The following RIMBP2 variants were observed in gnomAD, a reference collection of about 807,000 sequenced individuals.
RIMBP2 encodes RIMS binding protein 2.
In RIMBP2, 48 loss-of-function variants were observed where a neutral mutation model predicts 118.6. The observed-to-expected ratio is 0.40, with a 90% CI of 0.32 to 0.51. The LOEUF (loss-of-function observed/expected upper bound fraction) is 0.51. Ranked by LOEUF, RIMBP2 falls within the 20% of genes least tolerant of loss-of-function variation. The probability of loss-of-function intolerance (pLI) is 0.41; values close to 1 mark genes in which losing one functional copy is unlikely to be tolerated. For missense variants in RIMBP2, 1,551 were observed against 1,768.3 expected (o/e 0.88, Z 2.20); for synonymous variants, 762 against 742.9 (o/e 1.03, Z -0.42).
rs1191205653 is a variant in RIMBP2, at chr12:130,396,710, T to G, written c.*651A>C. 2 of 152,664 alleles carry G rather than the reference T, an allele frequency of 1.3e-5. No individual in the cohort carries two copies. Among genetic ancestry groups the G allele is most frequent in the Non-Finnish European group, 2.9e-5 (2 of 68,042 alleles). 9.5% of individuals were successfully genotyped at this position (152,664 alleles called of 1,614,324 possible). On this transcript the variant is annotated 3_prime_UTR_variant, in exon 23 of 23. Transcript: ENST00000690449. ...TACCAAACAAAGTTACTTTCTCTCC[T>G]TTTCTCTTTTTTGAATGATTGAGTA...
chr12:130,401,118 CTTTT>C lies in RIMBP2; in HGVS notation c.3766-1309_3766-1306del, dbSNP rs761521395. Among the ~76,000 whole-genome samples the C allele has an allele frequency of 4.0e-5, 6 of 149,790 alleles. No homozygotes were observed. The South Asian group carries it at 6.4e-4, about 16-fold the overall frequency. On this transcript the variant is annotated intron_variant, in intron 21 of 22. Coordinates refer to ENST00000690449, the MANE Select transcript of RIMBP2 (RefSeq NM_001393629.1). ...TATATACTTAAAAATGATTTTATAT[CTTTT>C]TTTTTTAAATTGAGACAGAGTCTCG...
intron 1 of RIMBP2, among the ~76,000 whole-genome samples, chr12:130,715,845 G>A (rs887698655): frequency 1.3e-5 from 2 of 151,864 alleles, no homozygotes; most frequent in Admixed American, 6.6e-5. Context: ...CAGGCGAGCG[G>A]GGCCGTGTCC....
At chr12:130,672,381 C>A (rs7308708) in intron 1 of RIMBP2, among the ~76,000 whole-genome samples, 210 of 152,198 alleles carry the variant, frequency 1.4e-3, no homozygotes, top group African/African-American at 4.9e-3. Flanking sequence ...GGCTAAACAC[C>A]GCTTCACAGC....
At chr12:130,455,761 A>AC (rs1555256087) in intron 7 of RIMBP2, among the ~76,000 whole-genome samples, 1 of 151,582 alleles carries the variant, frequency 6.6e-6, no homozygotes, top group Non-Finnish European at 1.5e-5. Context: ...ATCTCCCCTA[A>AC]TTTTTTTTTA....
chr12:130,585,892 C>T (rs1387797793), intron 2 of RIMBP2, among the ~76,000 whole-genome samples: 1 of 152,158 alleles, frequency 6.6e-6, no homozygotes, highest in Non-Finnish European at 1.5e-5. Flanking sequence ...TTGAGTCTGC[C>T]AGCCCTGAGA....
At position 130,659,432 on chromosome 12, in the gene RIMBP2, G is replaced by A. The variant is rs370649872; in HGVS notation, c.-351-30976C>T. On this transcript the variant is annotated intron_variant, in intron 1 of 22. Transcript: ENST00000690449. ...TAAAAATACAAAAAATTAGCCAGGC[G>A]TGGTGGTGGCGCCTGTAGTCCCAGC... is the stretch of plus-strand genomic sequence containing the variant. 1.5e-4 allele frequency among the ~76,000 whole-genome samples: 22 copies of A among 147,474 alleles called. No homozygotes were observed. The East Asian group carries it at 3.1e-3, about 21-fold the overall frequency.
intron 6 of RIMBP2, among the ~76,000 whole-genome samples, chr12:130,463,537 C>T (rs1226500868): frequency 6.6e-6 from 1 of 152,192 alleles, no homozygotes; most frequent in Non-Finnish European, 1.5e-5. Flanking sequence ...TCTGGCTTCC[C>T]GGCCTCTGTG....
At position 130,601,335 on chromosome 12, in the gene RIMBP2, CAAAAAAAAAAAA is replaced by C. The variant is rs35127958; in HGVS notation, c.-217+26975_-217+26986del. ...TGGGGATGGGGTCAAAGAGGGCAGG[CAAAAAAAAAAAA>C]AAAAAAAAAAAAAGCAAACCGGCTG... On this transcript the variant is annotated intron_variant, in intron 2 of 22. Coordinates refer to ENST00000690449, the MANE Select transcript of RIMBP2 (RefSeq NM_001393629.1). 7.8e-4 allele frequency among the ~76,000 whole-genome samples: 49 copies of C among 63,082 alleles called. 1 individual carries two copies. The highest frequency in any genetic ancestry group is 2.0e-3 in the African/African-American group (39 of 19,360). 41.4% of individuals were successfully genotyped at this position (63,082 alleles called of 152,430 possible).
chr12:130,410,350 T>C (rs2075613897), intron 19 of RIMBP2, among the ~76,000 whole-genome samples: 1 of 152,246 alleles, frequency 6.6e-6, no homozygotes, highest in Admixed American at 6.5e-5. Flanking sequence ...CTGCACTTTT[T>C]AAGTGCAGAG....
At chr12:130,405,495 T>C (rs1039718006) in intron 21 of RIMBP2, among the ~76,000 whole-genome samples, 4 of 152,178 alleles carry the variant, frequency 2.6e-5, no homozygotes. Flanking sequence ...AGTGGCCCTG[T>C]GGGCTTCTGG....
At chr12:130,526,795 T>C (rs2052836661) in intron 2 of RIMBP2, among the ~76,000 whole-genome samples, 1 of 152,120 alleles carries the variant, frequency 6.6e-6, no homozygotes, top group Non-Finnish European at 1.5e-5. Flanking sequence ...TATAATAACG[T>C]AAAATAAAAA....
intron 2 of RIMBP2, among the ~76,000 whole-genome samples, chr12:130,566,715 C>A (rs527832012): frequency 6.6e-6 from 1 of 152,208 alleles, no homozygotes; most frequent in Non-Finnish European, 1.5e-5. Context: ...TGAAGCCAGA[C>A]CAGGCAGCCA....
At chr12:130,482,805 T>C (rs71448208) in intron 4 of RIMBP2, among the ~76,000 whole-genome samples, 313 of 121,874 alleles carry the variant, frequency 2.6e-3, no homozygotes, top group South Asian at 0.01. Context: ...AATACACCCA[T>C]TGTGTGTGTA....
In RIMBP2 at chr12:130,623,771, G is replaced by C. The variant is rs540831477; in HGVS notation, c.-217+4551C>G. 1.2e-4 allele frequency among the ~76,000 whole-genome samples: 18 copies of C among 152,274 alleles called. No individual in the cohort carries two copies. In the South Asian group the frequency reaches 3.7e-3, roughly 32 times the overall value. On this transcript the variant is annotated intron_variant, in intron 2 of 22. Coordinates refer to ENST00000690449, the MANE Select transcript of RIMBP2 (RefSeq NM_001393629.1). This position sits in a 1 kb window ranked among gnomAD's most constrained non-coding sequence, Gnocchi z 4.1. Reference sequence around the variant, plus strand: ...GACATGCTGGAGCCTCCATGCACCTGCAAGACCGCCTCAGCCAAGTGAAGA... The same window carrying C: ...GACATGCTGGAGCCTCCATGCACCTCCAAGACCGCCTCAGCCAAGTGAAGA...
chr12:130,535,774 T>C (rs1375652224), intron 2 of RIMBP2, among the ~76,000 whole-genome samples: 10 of 105,182 alleles, frequency 9.5e-5, no homozygotes, highest in African/African-American at 1.3e-4. Flanking sequence ...TATATATATA[T>C]ATATATATAC....
Position 130,617,914 on chromosome 12 carries a change from G to A in RIMBP2, c.-217+10408C>T, listed in dbSNP as rs1010438132. ...ATTCTTAGAAACATCTAACTCGGCC[G>A]GGTGTGGTGGCCCACGCCTGTAATC... On this transcript the variant is annotated intron_variant, in intron 2 of 22. Coordinates refer to ENST00000690449, the MANE Select transcript of RIMBP2 (RefSeq NM_001393629.1). This position sits in a 1 kb window ranked among gnomAD's most constrained non-coding sequence, Gnocchi z 4.6. Among the ~76,000 whole-genome samples, 6 of 149,860 alleles carry A rather than the reference G, an allele frequency of 4.0e-5. No homozygotes were observed. Among genetic ancestry groups the A allele is most frequent in the Non-Finnish European group, 7.4e-5 (5 of 67,710 alleles).
At chr12:130,601,631 G>T (rs190413335) in intron 2 of RIMBP2, among the ~76,000 whole-genome samples, 11 of 152,298 alleles carry the variant, frequency 7.2e-5, no homozygotes, top group Admixed American at 5.9e-4. Context: ...AGCACACATA[G>T]AATGCTTATC....
In RIMBP2 at chr12:130,630,097, G is replaced by A. The variant is rs79334882; in HGVS notation, c.-351-1641C>T. On this transcript the variant is annotated intron_variant, in intron 1 of 22. Transcript: ENST00000690449. ...AGAACTCTTGTGAATGAAAAAGATA[G>A]TTGCTGAAATAAAAATTTTAATGGC... Among the ~76,000 whole-genome samples the A allele has an allele frequency of 1.8e-4, 28 of 151,786 alleles. No homozygotes were observed. The East Asian group carries it at 5.0e-3, about 27-fold the overall frequency.
chr12:130,610,624 G>C (rs1418273327), intron 2 of RIMBP2, among the ~76,000 whole-genome samples: 1 of 138,818 alleles, frequency 7.2e-6, no homozygotes, highest in Non-Finnish European at 1.5e-5. Flanking sequence ...GCAGTGGCGC[G>C]ATCTCGGCTC....
Sources: gnomAD v4.1 joint callset for allele counts (sites outside exome capture counted in the v4.1 genomes callset) on GRCh38, gnomAD v4.1.1 for gene constraint, Gnocchi (gnomAD v3.1) non-coding constraint, MANE v1.5 for transcripts, NCBI Gene and HGNC (gene_info 2026-07-23, HGNC 2026-07-21) for gene names.